Variants in MMP13 observed in about 807,000 individuals in gnomAD.
The protein encoded by MMP13 is collagenase 3.
A neutral mutation model predicts 52.1 loss-of-function variants in MMP13; 45 were observed. The ratio of observed to expected loss-of-function variants is 0.86; its 90% CI spans 0.68 to 1.11. The LOEUF (loss-of-function observed/expected upper bound fraction) is 1.11, where lower values mean the gene tolerates loss of function less well. Ranked by LOEUF, MMP13 falls within the 50% of genes least tolerant of loss-of-function variation. The probability of loss-of-function intolerance (pLI) is 0.00; values close to 1 mark genes in which losing one functional copy is unlikely to be tolerated. For missense variants in MMP13, 576 were observed against 583.8 expected, an observed-to-expected ratio of 0.99 and a Z score of 0.14; for synonymous variants, 200 against 204.4, an observed-to-expected ratio of 0.98 and a Z score of 0.18.
At chr11:102,954,385 GAAAT>G in intron 3 of MMP13, 69 bp downstream of exon 3, 1 of 1,593,416 alleles carries the variant, frequency 6.3e-7, no homozygotes, top group Middle Eastern at 1.7e-4. Context: ...ATGAATGACT[GAAAT>G]AAATAATTTT....
At chr11:102,950,879 A>T (rs1324311507) in intron 5 of MMP13, among the ~76,000 whole-genome samples, 1 of 152,190 alleles carries the variant, frequency 6.6e-6, no homozygotes, top group Non-Finnish European at 1.5e-5. Context: ...AGTCATAACA[A>T]TGTAGAAATA....
intron 4 of MMP13, among the ~76,000 whole-genome samples, chr11:102,953,508 C>A (rs987916844): frequency 6.6e-6 from 1 of 152,122 alleles, no homozygotes; most frequent in Non-Finnish European, 1.5e-5. Flanking sequence ...GCTTTTCTTC[C>A]TAAGTTAACA....
chr11:102,944,214 G>T lies in MMP13; in HGVS notation c.*52C>A. On this transcript the variant is annotated 3_prime_UTR_variant, in exon 10 of 10. Transcript: ENST00000260302. ...CTTCCCCTACCCCGCACTTCTGGAA[G>T]TATTACCCCAAATGCTCTTCAGGAT... is the stretch of plus-strand genomic sequence containing the variant. 7.2e-7 allele frequency: 1 copy of T among 1,382,380 alleles called. No homozygotes were observed. Among genetic ancestry groups the T allele is most frequent in the Admixed American group, 1.7e-5 (1 of 59,478 alleles). The allele number at this position is 1,382,380 out of a possible 1,614,324, so 85.6% of individuals were successfully genotyped here.
At chr11:102,944,418 T>C (rs1235988978) in intron 9 of MMP13, 52 bp from the exon 10 acceptor site, 1 of 1,268,904 alleles carries the variant, frequency 7.9e-7, no homozygotes, top group African/African-American at 1.5e-5. Flanking sequence ...AATAAGGTTT[T>C]AATCCAGTTA....
At chr11:102,950,894 T>C (rs782076910) in intron 5 of MMP13, among the ~76,000 whole-genome samples, 2 of 152,206 alleles carry the variant, frequency 1.3e-5, no homozygotes, top group African/African-American at 2.4e-5. Context: ...GAAATAATAA[T>C]TGCAAAATAA....
intron 8 of MMP13, among the ~76,000 whole-genome samples, chr11:102,946,645 A>C (rs1199144831): frequency 6.6e-6 from 1 of 152,200 alleles, no homozygotes; most frequent in African/African-American, 2.4e-5. Context: ...GCAGGGAAGG[A>C]TCTTCTGGCA....
chr11:102,950,190 T>C lies in MMP13; in HGVS notation c.837A>G (p.Lys279=). Residue 279 remains lysine, a synonymous_variant, in exon 6 of 10, where the codon AAA becomes AAG. Coordinates refer to ENST00000260302, the MANE Select transcript of MMP13 (RefSeq NM_002427.4). ...GDEDPNPKHP[K]TPDKCDPSLS... is the part of the protein sequence containing the mutation. The stretch of plus-strand genomic sequence containing the variant: ...AGGAAGGGTCACATTTGTCTGGCGT[T>C]TTTGGATGTTTAGGGTTGGGGTCTT... The C allele has an allele frequency of 6.2e-7, 1 of 1,613,748 alleles. No homozygotes were observed. The highest frequency in any genetic ancestry group is 8.5e-7 in the Non-Finnish European group (1 of 1,179,752).
chr11:102,945,450 TA>T (rs1487792224), intron 9 of MMP13, among the ~76,000 whole-genome samples, 195 bp downstream of exon 9: 12 of 152,190 alleles, frequency 7.9e-5, no homozygotes, highest in African/African-American at 2.7e-4. Flanking sequence ...AATCATTAAG[TA>T]AAATTCTTAT....
Position 102,952,221 on chromosome 11 carries a change from C to T in MMP13, c.638-48G>A. On this transcript the variant is annotated intron_variant, in intron 4 of 9. Coordinates refer to ENST00000260302, the MANE Select transcript of MMP13 (RefSeq NM_002427.4). This position sits in a 1 kb window ranked among gnomAD's most constrained non-coding sequence, Gnocchi z 4.3. ...TGAGAAAAAAAGGAATTCCAGTGAC[C>T]AGGTAATGAAAGGAATATCATTTTA... 3.8e-6 allele frequency: 6 copies of T among 1,592,634 alleles called. No homozygotes were observed. The highest frequency in any genetic ancestry group is 5.2e-6 in the Non-Finnish European group (6 of 1,161,676).
In MMP13 at chr11:102,955,617, T is replaced by A; in HGVS notation, c.89A>T (p.Asp30Val). Residue 30 changes from aspartate to valine, a missense_variant, in exon 1 of 10, where the codon GAT becomes GTT. Transcript: ENST00000260302. The surrounding 1 kb of genome is among the most constrained non-coding windows in gnomAD (Gnocchi z 4.9). The stretch of plus-strand genomic sequence containing the variant: ...AAACTGGAGGTCTTCCTCAGACAAA[T>A]CATCTTCATCACCACCACTGGGAAG... ...LPLPSGGDED[D>V]LSEEDLQFAE... 1 of 1,613,946 alleles carries A rather than the reference T, an allele frequency of 6.2e-7. No individual in the cohort carries two copies. Among genetic ancestry groups the A allele is most frequent in the Non-Finnish European group, 8.5e-7 (1 of 1,179,908 alleles).
At chr11:102,945,540 C>T in intron 9 of MMP13, 106 bp downstream of exon 9, 2 of 762,278 alleles carry the variant, frequency 2.6e-6, no homozygotes, top group Non-Finnish European at 4.5e-6. Context: ...AACTGCCATA[C>T]ATTTATTAAC....
rs3758853 is a variant in MMP13 at position 102,945,614 on chromosome 11, C to A, written c.1315+32G>T. The stretch of plus-strand genomic sequence containing the variant: ...GAGTTTTGAGGGGCTACAGAAGCTC[C>A]TCTTTAAAGTCAGTGCAATGTAACT... On this transcript the variant is annotated intron_variant, in intron 9 of 9. Coordinates refer to ENST00000260302, the MANE Select transcript of MMP13 (RefSeq NM_002427.4). The A allele has an allele frequency of 2.9e-5, 38 of 1,315,124 alleles. No homozygotes were observed. The African/African-American group carries it at 4.8e-4, about 17-fold the overall frequency. 81.5% of individuals were successfully genotyped at this position (1,315,124 alleles called of 1,614,324 possible). A position where few individuals can be genotyped will look rare whatever the true frequency, so the allele number is the denominator to read the frequency against.
chr11:102,949,051 G>T lies in MMP13; in HGVS notation c.1025C>A (p.Ser342Tyr), dbSNP rs1555017005. 6.2e-7 allele frequency: 1 copy of T among 1,613,844 alleles called. No individual in the cohort carries two copies. Among genetic ancestry groups the T allele is most frequent in the Admixed American group, 1.7e-5 (1 of 59,990 alleles). The change falls in exon 7 of 10, where the codon TCT (serine) becomes TAT (tyrosine). Residue 342 changes from serine to tyrosine, a missense_variant. Ser to Tyr is a moderately radical substitution (Grantham distance 144). Coordinates refer to ENST00000260302, the MANE Select transcript of MMP13 (RefSeq NM_002427.4). This position sits in a 1 kb window ranked among gnomAD's most constrained non-coding sequence, Gnocchi z 4.2. ...TCTGAAGATGAAGATGAGGTCATGA[G>T]AAGGGTGCTCATATGCAGCATCAAT... ...NRIDAAYEHPSHDLIFIFRGR... is the reference protein window; with the variant it reads ...NRIDAAYEHPYHDLIFIFRGR...
chr11:102,950,002 A>G (rs1860583068), intron 6 of MMP13, 108 bp downstream of exon 6: 2 of 892,530 alleles, frequency 2.2e-6, no homozygotes, highest in Non-Finnish European at 1.9e-6. Flanking sequence ...GCCCATTTTT[A>G]CTGCTAACTT....
intron 8 of MMP13, among the ~76,000 whole-genome samples, chr11:102,947,269 G>A (rs575282267): frequency 2.0e-5 from 3 of 152,264 alleles, no homozygotes; most frequent in East Asian, 3.9e-4. Flanking sequence ...GAGAATACAG[G>A]AGAAAGATTA....
intron 7 of MMP13, among the ~76,000 whole-genome samples, chr11:102,948,745 A>C (rs1162751534): frequency 1.3e-5 from 2 of 152,182 alleles, no homozygotes; most frequent in Admixed American, 1.3e-4. Flanking sequence ...ATGTTTTCTC[A>C]ATAAACAATT....
chr11:102,944,183 G>T lies in MMP13; in HGVS notation c.*83C>A. 1 of 984,790 alleles carries T rather than the reference G, an allele frequency of 1.0e-6. No individual in the cohort carries two copies. Among genetic ancestry groups the T allele is most frequent in the Non-Finnish European group, 1.6e-6 (1 of 614,934 alleles). The allele number at this position is 984,790 out of a possible 1,614,324, so 61.0% of individuals were successfully genotyped here. On this transcript the variant is annotated 3_prime_UTR_variant, in exon 10 of 10. Coordinates refer to ENST00000260302, the MANE Select transcript of MMP13 (RefSeq NM_002427.4). Reference sequence around the variant, plus strand: ...CACAGAACCAAGCTTTCTCCTGATAGCTCTTCTTCCCCTACCCCGCACTTC... The same window carrying T: ...CACAGAACCAAGCTTTCTCCTGATATCTCTTCTTCCCCTACCCCGCACTTC...
chr11:102,949,317 T>C lies in MMP13; in HGVS notation c.918-159A>G, dbSNP rs1345326007. The stretch of plus-strand genomic sequence containing the variant: ...AATTCCATTACCCTTTAAGCGCCAG[T>C]GACAAGTTGTGCTATCCTAACTAGC... On this transcript the variant is annotated intron_variant, in intron 6 of 9. Transcript: ENST00000260302. The surrounding 1 kb of genome is among the most constrained non-coding windows in gnomAD (Gnocchi z 4.2). Among the ~76,000 whole-genome samples the C allele has an allele frequency of 1.3e-5, 2 of 152,196 alleles. No individual in the cohort carries two copies. Among genetic ancestry groups the C allele is most frequent in the African/African-American group, 2.4e-5 (1 of 41,442 alleles).
intron 4 of MMP13, among the ~76,000 whole-genome samples, chr11:102,953,338 A>G (rs1431721891): frequency 1.3e-5 from 2 of 152,138 alleles, no homozygotes; most frequent in Admixed American, 6.6e-5. Context: ...TTCCCTCCAT[A>G]GACAGATTGG....
Sources: allele counts gnomAD v4.1 joint callset (sites outside exome capture counted in the v4.1 genomes callset), GRCh38; gene constraint gnomAD v4.1.1; non-coding constraint Gnocchi (gnomAD v3.1); transcripts MANE v1.5; gene names NCBI Gene and HGNC (gene_info 2026-07-23, HGNC 2026-07-21).